Variants in TEAD1 observed in about 807,000 individuals in gnomAD.
TEAD1 encodes the protein transcriptional enhancer factor TEF-1.
A neutral mutation model predicts 54.9 loss-of-function variants in TEAD1; 9 were observed. That is an observed-to-expected ratio of 0.16 (90% confidence interval 0.10 to 0.29). The LOEUF (loss-of-function observed/expected upper bound fraction) is 0.29, where lower values mean the gene tolerates loss of function less well. TEAD1 is among the 10% of genes least tolerant of loss of function. TEAD1 has a pLI of 1.00. For synonymous variants in TEAD1, 200 were observed against 187.8 expected (o/e 1.07, Z -0.53); for missense variants, 387 against 535.9 (o/e 0.72, Z 2.74).
chr11:12,771,031 A>G (rs2133934893), intron 3 of TEAD1, among the ~76,000 whole-genome samples: 1 of 152,290 alleles, frequency 6.6e-6, no homozygotes, highest in South Asian at 2.1e-4. Context: ...TAGTTTTAGG[A>G]CTGTTGCATG....
chr11:12,839,950 T>A (rs1459044196), intron 3 of TEAD1, among the ~76,000 whole-genome samples: 1 of 151,890 alleles, frequency 6.6e-6, no homozygotes, highest in Non-Finnish European at 1.5e-5. Context: ...GAGGCAGCTT[T>A]AAGAGACCAG....
At chr11:12,724,405 G>A (rs1944273599) in intron 2 of TEAD1, among the ~76,000 whole-genome samples, 1 of 152,220 alleles carries the variant, frequency 6.6e-6, no homozygotes, top group South Asian at 2.1e-4. Flanking sequence ...TTTGAGATGA[G>A]GCACAATTAA....
At chr11:12,919,964 C>CCATGG (rs1207672612) in intron 10 of TEAD1, among the ~76,000 whole-genome samples, 1 of 152,158 alleles carries the variant, frequency 6.6e-6, no homozygotes, top group Non-Finnish European at 1.5e-5. Context: ...TCCACAGTCC[C>CCATGG]CATGGTGCTC....
At chr11:12,822,025 G>A (rs191584353) in intron 3 of TEAD1, among the ~76,000 whole-genome samples, 15 of 128,170 alleles carry the variant, frequency 1.2e-4, no homozygotes, top group Admixed American at 4.6e-4. Context: ...GTGCAGTGGC[G>A]CGATCTCCGC....
intron 9 of TEAD1, among the ~76,000 whole-genome samples, chr11:12,897,765 A>T (rs1948341647): frequency 6.6e-6 from 1 of 152,214 alleles, no homozygotes; most frequent in Non-Finnish European, 1.5e-5. Context: ...ACTAATTCTA[A>T]TTTAACTTCA....
intron 2 of TEAD1, among the ~76,000 whole-genome samples, chr11:12,694,135 A>G (rs1225106274): frequency 6.6e-6 from 1 of 152,240 alleles, no homozygotes; most frequent in African/African-American, 2.4e-5. Flanking sequence ...GCCCCAGCAA[A>G]CACATGGCAA....
Position 12,765,830 on chromosome 11 carries a change from TATCTC to T in TEAD1, c.202+1398_202+1402del, listed in dbSNP as rs1174834915. On this transcript the variant is annotated intron_variant, in intron 3 of 12. Coordinates refer to ENST00000527636, the MANE Select transcript of TEAD1 (RefSeq NM_021961.6). ...CTGGTGAAATGGACTGGGGATGAAA[TATCTC>T]AGCTACTATGGGAAGAGTGTTTCAG... Among the ~76,000 whole-genome samples, 5 of 152,188 alleles carry T rather than the reference TATCTC, an allele frequency of 3.3e-5. No individual in the cohort carries two copies. The East Asian group carries it at 9.6e-4, about 29-fold the overall frequency.
intron 3 of TEAD1, among the ~76,000 whole-genome samples, chr11:12,772,406 C>T (rs1945329641): frequency 6.6e-6 from 1 of 152,258 alleles, no homozygotes; most frequent in South Asian, 2.1e-4. Flanking sequence ...GGAAAGGAGC[C>T]TCTTTTCCTC....
intron 2 of TEAD1, among the ~76,000 whole-genome samples, chr11:12,763,712 A>G (rs1945147411): frequency 6.6e-6 from 1 of 152,186 alleles, no homozygotes; most frequent in African/African-American, 2.4e-5. Flanking sequence ...ATTTTCTTAT[A>G]AATTACTTGT....
In TEAD1 at chr11:12,732,377, C is replaced by A. The variant is rs1311115347; in HGVS notation, c.-54-31802C>A. 1.2e-4 allele frequency among the ~76,000 whole-genome samples: 18 copies of A among 152,286 alleles called. No individual in the cohort carries two copies. In the East Asian group the frequency reaches 2.5e-3, roughly 21 times the overall value. On this transcript the variant is annotated intron_variant, in intron 2 of 12. Coordinates refer to ENST00000527636, the MANE Select transcript of TEAD1 (RefSeq NM_021961.6). ...AAACTAGTTCCTACTTCCATTTTGT[C>A]ACATGTGACATAGCGGATACCCAGG...
intron 3 of TEAD1, among the ~76,000 whole-genome samples, chr11:12,834,521 G>A (rs1332796805): frequency 1.3e-5 from 2 of 152,182 alleles, no homozygotes; most frequent in Non-Finnish European, 2.9e-5. Flanking sequence ...TTATGATAGT[G>A]GAGAGAGATG....
At chr11:12,765,234 C>A (rs1271450531) in intron 3 of TEAD1, among the ~76,000 whole-genome samples, 1 of 152,112 alleles carries the variant, frequency 6.6e-6, no homozygotes, top group African/African-American at 2.4e-5. Context: ...GTTTGGGCAC[C>A]CCCTAACTTC....
intron 10 of TEAD1, among the ~76,000 whole-genome samples, chr11:12,913,773 T>G (rs1948659530): frequency 6.6e-6 from 1 of 152,272 alleles, no homozygotes; most frequent in Admixed American, 6.5e-5. Flanking sequence ...GTGAGTTAAC[T>G]GGGTTCCCCG....
At chr11:12,795,259 C>T (rs969360546) in intron 3 of TEAD1, among the ~76,000 whole-genome samples, 3 of 152,108 alleles carry the variant, frequency 2.0e-5, no homozygotes, top group Admixed American at 6.5e-5. Flanking sequence ...CTAGGGTTGT[C>T]GTTGCATTAT....
At chr11:12,697,204 C>CAGTG (rs1339522423) in intron 2 of TEAD1, among the ~76,000 whole-genome samples, 1 of 145,616 alleles carries the variant, frequency 6.9e-6, no homozygotes, top group Non-Finnish European at 1.5e-5. Flanking sequence ...GGCATGCTGT[C>CAGTG]AGTGGCCTTT....
chr11:12,937,031 T>G, intron 12 of TEAD1, 78 bp from the exon 13 acceptor site: 1 of 990,990 alleles, frequency 1.0e-6, no homozygotes, highest in Non-Finnish European at 1.6e-6. Context: ...TCTTCTCCAA[T>G]TAAGTCATAG....
rs1169995214 is a variant in TEAD1, at chr11:12,901,950, A to G, written c.710A>G (p.His237Arg). ...GTTGGTTTCTTACAGTACAACAAACACCTCTTCGTGCACATTGGGCATGCC... is the reference window on the plus strand; with the variant it reads ...GTTGGTTTCTTACAGTACAACAAACGCCTCTTCGTGCACATTGGGCATGCC... Residue 237 changes from histidine to arginine, a missense_variant, in exon 10 of 13, where the codon CAC becomes CGC. Coordinates refer to ENST00000527636, the MANE Select transcript of TEAD1 (RefSeq NM_021961.6). 6.2e-7 allele frequency: 1 copy of G among 1,614,170 alleles called. No homozygotes were observed. The highest frequency in any genetic ancestry group is 2.2e-5 in the East Asian group (1 of 44,876).
At chr11:12,788,914 G>C (rs115852318) in intron 3 of TEAD1, among the ~76,000 whole-genome samples, 1 of 152,292 alleles carries the variant, frequency 6.6e-6, no homozygotes, top group African/African-American at 2.4e-5. Flanking sequence ...GGTTTGTTTT[G>C]TTTTAAGAGA....
At chr11:12,867,094 CTG>C (rs538064060) in intron 5 of TEAD1, among the ~76,000 whole-genome samples, 38 of 152,290 alleles carry the variant, frequency 2.5e-4, no homozygotes, top group Middle Eastern at 3.4e-3. Flanking sequence ...ACTGAGGAAA[CTG>C]GGGCTGAGAG....
Sources: gnomAD v4.1 joint callset for allele counts (sites outside exome capture counted in the v4.1 genomes callset) on GRCh38, gnomAD v4.1.1 for gene constraint, MANE v1.5 for transcripts, NCBI Gene and HGNC (gene_info 2026-07-23, HGNC 2026-07-21) for gene names.